Variants in CSPP1 observed in about 807,000 individuals in gnomAD.
CSPP1 encodes centrosome and spindle pole-associated protein 1.
CSPP1 carries 126 observed loss-of-function variants against 164.4 expected under a neutral mutation model. The ratio of observed to expected loss-of-function variants is 0.77; its 90% CI spans 0.66 to 0.89. The LOEUF (loss-of-function observed/expected upper bound fraction) is 0.89. CSPP1 is among the 40% of genes least tolerant of loss of function. The pLI is 0.00. For missense variants in CSPP1, 1,395 were observed against 1,449.8 expected (o/e 0.96, Z 0.61); for synonymous variants, 472 against 476.7 (o/e 0.99, Z 0.13).
At chr8:67,118,108 A>G in intron 13 of CSPP1, 140 bp from the exon 14 acceptor site, 2 of 805,442 alleles carry the variant, frequency 2.5e-6, no homozygotes, top group Non-Finnish European at 3.9e-6. Context: ...ATTTTTGGTG[A>G]ATGATTGGAG....
Position 67,159,915 on chromosome 8 carries a change from T to TCTTC in CSPP1, c.2538+781_2538+782insCCTT, listed in dbSNP as rs1554605514. ...TTCTTTCTTTCTTTCTTTCTTTCTT[T>TCTTC]CTTTCTTTCCTTTCCTTCCTTCCTT... On this transcript the variant is annotated intron_variant, in intron 21 of 30. Transcript: ENST00000678616. 5.0e-4 allele frequency among the ~76,000 whole-genome samples: 32 copies of TCTTC among 64,300 alleles called. 1 individual carries two copies. The highest frequency in any genetic ancestry group is 9.6e-4 in the Non-Finnish European group (32 of 33,162). 42.2% of individuals were successfully genotyped at this position (64,300 alleles called of 152,430 possible). A position where few individuals can be genotyped will look rare whatever the true frequency, so the allele number is the denominator to read the frequency against.
chr8:67,133,891 A>G (rs905002039), intron 16 of CSPP1: 7 of 152,180 alleles, frequency 4.6e-5, no homozygotes, highest in African/African-American at 1.7e-4. Flanking sequence ...TCAAGAGACC[A>G]CTTTCTTTGC....
intron 29 of CSPP1, among the ~76,000 whole-genome samples, chr8:67,192,590 TAAG>T (rs1836678653): frequency 6.6e-6 from 1 of 152,164 alleles, no homozygotes; most frequent in South Asian, 2.1e-4. Flanking sequence ...GTGTCTTAAT[TAAG>T]AAACCATTGC....
intron 7 of CSPP1, among the ~76,000 whole-genome samples, chr8:67,097,215 A>G (rs1317635838): frequency 6.6e-6 from 1 of 152,178 alleles, no homozygotes; most frequent in East Asian, 1.9e-4. Flanking sequence ...GTCCAAATAG[A>G]TTAGTTTTTA....
rs928987895 is a variant in CSPP1, at chr8:67,164,490, A to G, written c.2810A>G (p.Asp937Gly). The G allele has an allele frequency of 1.9e-6, 3 of 1,557,506 alleles. No individual in the cohort carries two copies. Among genetic ancestry groups the G allele is most frequent in the South Asian group, 2.2e-5 (2 of 89,076 alleles). ...GAGCGATTGCTACACATGGACAGTG[A>G]TGATGAAATTCCTATCAGGCAAGTT... ...LQERLLHMDS[D>G]DEIPIRKKER... Residue 937 changes from aspartate (D) to glycine (G), a missense_variant, in exon 24 of 31, where the codon GAT (aspartate) becomes GGT (glycine). Transcript: ENST00000678616.
At chr8:67,165,865 G>A (rs774052488) in intron 24 of CSPP1, among the ~76,000 whole-genome samples, 1 of 152,196 alleles carries the variant, frequency 6.6e-6, no homozygotes, top group Non-Finnish European at 1.5e-5. Context: ...AGAGTGAGAA[G>A]GGGGTGGAAT....
chr8:67,092,050 A>C (rs1811723522), intron 5 of CSPP1, among the ~76,000 whole-genome samples, 167 bp downstream of exon 5: 1 of 152,348 alleles, frequency 6.6e-6, no homozygotes, highest in East Asian at 1.9e-4. Context: ...CTGTTTAAAA[A>C]AATTTTCTTG....
At chr8:67,115,818 C>G (rs907035481) in intron 12 of CSPP1, 96 bp from the exon 13 acceptor site, 1 of 789,176 alleles carries the variant, frequency 1.3e-6, no homozygotes, top group African/African-American at 1.7e-5. Context: ...CTGTGACTGT[C>G]TTAAGTGCCT....
chr8:67,113,835 G>A lies in CSPP1; in HGVS notation c.1218G>A (p.Ala406=), dbSNP rs752326108. ...REKDLELRVA[A]SGAQDPEKSW... ...AAGATTTAGAACTCAGGGTTGCAGC[G>A]TCTGGAGCACAAGACCCTGAGAAAT... is the stretch of plus-strand genomic sequence containing the variant. Residue 406 remains alanine, a synonymous_variant, in exon 11 of 31, where the codon GCG becomes GCA. Coordinates refer to ENST00000678616, the MANE Select transcript of CSPP1 (RefSeq NM_001382391.1). The A allele has an allele frequency of 2.6e-5, 41 of 1,592,444 alleles. No individual in the cohort carries two copies. Among genetic ancestry groups the A allele is most frequent in the East Asian group, 6.8e-5 (3 of 44,416 alleles).
At chr8:67,153,596 G>T (rs778790350) in intron 18 of CSPP1, among the ~76,000 whole-genome samples, 3 of 151,804 alleles carry the variant, frequency 2.0e-5, no homozygotes, top group Non-Finnish European at 4.4e-5. Context: ...TTTTAAAAAC[G>T]GTTTTAGAAA....
Position 67,093,652 on chromosome 8 carries a change from C to T in CSPP1, c.483+11C>T. The T allele has an allele frequency of 6.6e-7, 1 of 1,526,184 alleles. No individual in the cohort carries two copies. The highest frequency in any genetic ancestry group is 9.1e-7 in the Non-Finnish European group (1 of 1,103,616). The allele number at this position is 1,526,184 out of a possible 1,614,324, so 94.5% of individuals were successfully genotyped here. On this transcript the variant is annotated intron_variant, in intron 6 of 30. Coordinates refer to ENST00000678616, the MANE Select transcript of CSPP1 (RefSeq NM_001382391.1). ...GAAAAGAGTACTGAGGTAGGTTTTG[C>T]TTTTGAATTAAATCTGTACTACTAC...
At chr8:67,113,320 C>T (rs537281579) in intron 10 of CSPP1, among the ~76,000 whole-genome samples, 1 of 152,170 alleles carries the variant, frequency 6.6e-6, no homozygotes, top group Admixed American at 6.6e-5. Context: ...CCTGTTATCT[C>T]TTAGTTTTTG....
chr8:67,188,028 C>G (rs560906641), intron 28 of CSPP1, among the ~76,000 whole-genome samples: 1 of 152,026 alleles, frequency 6.6e-6, no homozygotes, highest in South Asian at 2.1e-4. Flanking sequence ...ATTGATAAGC[C>G]GGACTTTGTA....
At position 67,149,684 on chromosome 8, in the gene CSPP1, T is replaced by C. The variant is rs141524176; in HGVS notation, c.1976-99T>C. ...TTGAATTATTCCCAACTTTGTCCTA[T>C]TGTTTTTCTTTCTGACTTCCTATTT... On this transcript the variant is annotated intron_variant, in intron 17 of 30. Coordinates refer to ENST00000678616, the MANE Select transcript of CSPP1 (RefSeq NM_001382391.1). 1.0e-3 allele frequency: 814 copies of C among 779,554 alleles called. 11 individuals carry two copies. In the East Asian group the frequency reaches 0.022, roughly 21 times the overall value. The allele number at this position is 779,554 out of a possible 1,614,324, so 48.3% of individuals were successfully genotyped here. A position where few individuals can be genotyped will look rare whatever the true frequency, so the allele number is the denominator to read the frequency against.
At position 67,195,786 on chromosome 8, in the gene CSPP1, A is replaced by G. The variant is rs1837824646; in HGVS notation, c.*193A>G. ...CCATGATTATTGATTTATATAATAGAATTGTATAGATTATTTTTGCACAGT... is the reference window on the plus strand; with the variant it reads ...CCATGATTATTGATTTATATAATAGGATTGTATAGATTATTTTTGCACAGT... On this transcript the variant is annotated 3_prime_UTR_variant, in exon 31 of 31. Transcript: ENST00000678616. 8.9e-6 allele frequency: 5 copies of G among 560,680 alleles called. No homozygotes were observed. The South Asian group carries it at 1.2e-4, about 13-fold the overall frequency. The allele number at this position is 560,680 out of a possible 1,614,324, so 34.7% of individuals were successfully genotyped here. A position where few individuals can be genotyped will look rare whatever the true frequency, so the allele number is the denominator to read the frequency against.
At chr8:67,162,090 G>A (rs1411009996) in intron 22 of CSPP1, among the ~76,000 whole-genome samples, 175 bp downstream of exon 22, 2 of 152,166 alleles carry the variant, frequency 1.3e-5, no homozygotes, top group African/African-American at 2.4e-5. Context: ...AGTGCTTGGT[G>A]CCCTAAAGTT....
chr8:67,179,510 G>C (rs974965049), intron 27 of CSPP1, among the ~76,000 whole-genome samples: 2 of 152,170 alleles, frequency 1.3e-5, no homozygotes, highest in Admixed American at 1.3e-4. Flanking sequence ...TGTTTAATTG[G>C]GGTCTTTGCT....
chr8:67,068,660 G>C (rs1806077145), intron 1 of CSPP1, among the ~76,000 whole-genome samples: 1 of 152,184 alleles, frequency 6.6e-6, no homozygotes, highest in Non-Finnish European at 1.5e-5. Context: ...CATGCTTTTA[G>C]GAGTGAGAAA....
At chr8:67,163,512 A>T (rs1207709686) in intron 22 of CSPP1, among the ~76,000 whole-genome samples, 2 of 152,104 alleles carry the variant, frequency 1.3e-5, no homozygotes, top group Non-Finnish European at 2.9e-5. Context: ...TTCCATCGTG[A>T]TGAGAAGGAA....
Sources: allele counts gnomAD v4.1 joint callset (sites outside exome capture counted in the v4.1 genomes callset), GRCh38; gene constraint gnomAD v4.1.1; transcripts MANE v1.5; gene names NCBI Gene and HGNC (gene_info 2026-07-23, HGNC 2026-07-21).